The following SLIT2 variants were observed in gnomAD, a reference collection of about 807,000 sequenced individuals.
SLIT2 encodes slit homolog 2 protein.
A neutral mutation model predicts 185.7 loss-of-function variants in SLIT2; 41 were observed. The observed-to-expected ratio is 0.22, with a 90% CI of 0.17 to 0.29. SLIT2 has a LOEUF of 0.29. Among genes scored for constraint, SLIT2 ranks in the 10% least tolerant of loss-of-function variants. The pLI is 1.00. For missense variants in SLIT2, 1,571 were observed against 1,909.0 expected (o/e 0.82, Z 3.30); for synonymous variants, 693 against 680.2 (o/e 1.02, Z -0.29).
chr4:20,374,256 A>G (rs779942093), intron 4 of SLIT2, among the ~76,000 whole-genome samples: 2 of 152,136 alleles, frequency 1.3e-5, no homozygotes, highest in Admixed American at 1.3e-4. Flanking sequence ...TAGGATTGCT[A>G]TATCAAAGTA....
chr4:20,410,031 G>A (rs561188688), intron 4 of SLIT2, among the ~76,000 whole-genome samples: 2 of 152,136 alleles, frequency 1.3e-5, no homozygotes, highest in African/African-American at 4.8e-5. Flanking sequence ...TGTTCACTCT[G>A]TTGATAGTTT....
At chr4:20,259,023 A>G (rs1208574028) in intron 3 of SLIT2, among the ~76,000 whole-genome samples, 1 of 151,654 alleles carries the variant, frequency 6.6e-6, no homozygotes, top group South Asian at 2.1e-4. Flanking sequence ...TATTTTTATC[A>G]CCTCAAGTAA....
intron 4 of SLIT2, among the ~76,000 whole-genome samples, chr4:20,412,318 A>G (rs933439610): frequency 6.6e-6 from 1 of 152,212 alleles, no homozygotes; most frequent in African/African-American, 2.4e-5. Context: ...ATAGCTGAAT[A>G]AAATGCAATA....
At chr4:20,391,906 A>G (rs1036667024) in intron 4 of SLIT2, among the ~76,000 whole-genome samples, 3 of 152,122 alleles carry the variant, frequency 2.0e-5, no homozygotes, top group Non-Finnish European at 4.4e-5. Context: ...TTCTAGAGGA[A>G]GAAACCAAGT....
intron 29 of SLIT2, among the ~76,000 whole-genome samples, chr4:20,577,783 CA>C (rs1193082239): frequency 1.3e-5 from 2 of 152,128 alleles, no homozygotes; most frequent in Non-Finnish European, 2.9e-5. Context: ...AAATAAAGAA[CA>C]AATGGGAAAT....
At chr4:20,482,726 A>C (rs1177566242) in intron 6 of SLIT2, among the ~76,000 whole-genome samples, 2 of 152,020 alleles carry the variant, frequency 1.3e-5, no homozygotes, top group African/African-American at 4.8e-5. Context: ...TTTGTTGAAG[A>C]AATAATAAAA....
chr4:20,616,201 T>A (rs143754503), intron 34 of SLIT2: 1 of 152,082 alleles, frequency 6.6e-6, no homozygotes, highest in Non-Finnish European at 1.5e-5. Flanking sequence ...AGGAGTGAGT[T>A]TTTAGGCATT....
chr4:20,368,236 A>AAG (rs1723286024), intron 4 of SLIT2, among the ~76,000 whole-genome samples: 1 of 147,672 alleles, frequency 6.8e-6, no homozygotes, highest in African/African-American at 2.5e-5. Context: ...AAAAAAAAAG[A>AAG]AAAAAAAGAA....
At chr4:20,354,886 CGTGTGTGTGT>C (rs370122919) in intron 4 of SLIT2, among the ~76,000 whole-genome samples, 32 of 136,006 alleles carry the variant, frequency 2.4e-4, no homozygotes, top group South Asian at 1.0e-3. Flanking sequence ...GGCAAGTCTG[CGTGTGTGTGT>C]GTGTGTGTGT....
chr4:20,459,733 A>G (rs975103504), intron 4 of SLIT2, among the ~76,000 whole-genome samples: 1 of 151,992 alleles, frequency 6.6e-6, no homozygotes, highest in African/African-American at 2.4e-5. Flanking sequence ...TCAGAAGTCC[A>G]GTTTTCTTTT....
rs374091926 is a variant in SLIT2 at position 20,617,598 on chromosome 4, G to T, written c.4296G>T (p.Gly1432=). Residue 1432 remains glycine, a synonymous_variant, in exon 36 of 37, where the codon GGG becomes GGT. Transcript: ENST00000504154. The part of the protein sequence containing the change: ...KHGKCRLSGL[G]QPYCECSSGY... ...GGAAGTGCAGGCTTTCAGGTCTGGG[G>T]CAGCCCTACTGTGAATGCAGCAGTG... 45 of 1,613,128 alleles carry T rather than the reference G, an allele frequency of 2.8e-5. No individual in the cohort carries two copies. The highest frequency in any genetic ancestry group is 3.7e-5 in the Non-Finnish European group (44 of 1,179,928).
chr4:20,444,389 T>TAA (rs200746109), intron 4 of SLIT2, among the ~76,000 whole-genome samples: 2 of 146,570 alleles, frequency 1.4e-5, no homozygotes, highest in African/African-American at 5.0e-5. Context: ...GGTTGTTTCT[T>TAA]AAAAAAAAAA....
chr4:20,338,270 T>C (rs1415185936), intron 4 of SLIT2, among the ~76,000 whole-genome samples: 1 of 152,194 alleles, frequency 6.6e-6, no homozygotes, highest in Non-Finnish European at 1.5e-5. Flanking sequence ...AACAGGGACA[T>C]GTGCTAGGCA....
chr4:20,395,775 A>G (rs929719459), intron 4 of SLIT2, among the ~76,000 whole-genome samples: 2 of 151,978 alleles, frequency 1.3e-5, no homozygotes, highest in African/African-American at 4.8e-5. Context: ...TATGAATGTT[A>G]CAAGCTAACC....
At chr4:20,394,214 G>A (rs1725691968) in intron 4 of SLIT2, among the ~76,000 whole-genome samples, 1 of 151,732 alleles carries the variant, frequency 6.6e-6, no homozygotes, top group Non-Finnish European at 1.5e-5. Flanking sequence ...ACATGAAAAA[G>A]GAGTTTGAAA....
intron 4 of SLIT2, among the ~76,000 whole-genome samples, chr4:20,423,942 A>T (rs993377146): frequency 5.9e-5 from 9 of 152,104 alleles, no homozygotes; most frequent in Admixed American, 5.2e-4. Flanking sequence ...TACGAATTTC[A>T]TATGGTTAAA....
chr4:20,529,182 T>C, intron 16 of SLIT2, 83 bp downstream of exon 16: 1 of 1,034,004 alleles, frequency 9.7e-7, no homozygotes. Flanking sequence ...CTTGCCATTT[T>C]TATTATTAAT....
intron 9 of SLIT2, among the ~76,000 whole-genome samples, chr4:20,496,761 G>A (rs576374724): frequency 1.3e-5 from 2 of 152,202 alleles, no homozygotes; most frequent in African/African-American, 4.8e-5. Flanking sequence ...GCACATAGTA[G>A]GCACTTGATA....
chr4:20,340,081 T>G (rs985963725), intron 4 of SLIT2, among the ~76,000 whole-genome samples: 12 of 152,328 alleles, frequency 7.9e-5, no homozygotes, highest in African/African-American at 2.4e-4. Context: ...TTTTTAAAAT[T>G]TTTAAATTTG....
Sources: allele counts gnomAD v4.1 joint callset (sites outside exome capture counted in the v4.1 genomes callset), GRCh38; gene constraint gnomAD v4.1.1; transcripts MANE v1.5; gene names NCBI Gene and HGNC (gene_info 2026-07-23, HGNC 2026-07-21).